ACTG2: variants seen among roughly 807,000 people sequenced by gnomAD.
ACTG2 encodes actin gamma 2, smooth muscle.
Under a neutral mutation model 37.6 loss-of-function variants are expected in ACTG2, and 16 were observed. The observed-to-expected ratio is 0.43, with a 90% CI of 0.29 to 0.65. The LOEUF (loss-of-function observed/expected upper bound fraction) is 0.65. Among genes scored for constraint, ACTG2 ranks in the 30% least tolerant of loss-of-function variants. The probability of loss-of-function intolerance (pLI) is 0.18; values close to 1 mark genes in which losing one functional copy is unlikely to be tolerated. For synonymous variants in ACTG2, 181 were observed against 179.9 expected, an observed-to-expected ratio of 1.01 and a Z score of -0.05; for missense variants, 238 against 490.9, an observed-to-expected ratio of 0.48 and a Z score of 4.87.
In ACTG2 at chr2:73,902,582, C is replaced by G. The variant is rs1182253596; in HGVS notation, c.255+94C>G. 6.4e-6 allele frequency: 10 copies of G among 1,572,100 alleles called. No homozygotes were observed. In the African/African-American group the frequency reaches 1.4e-4, roughly 21 times the overall value. On this transcript the variant is annotated intron_variant, in intron 3 of 8. Transcript: ENST00000345517. Reference sequence around the variant, plus strand: ...AGGCCACTGTGCTCTGTCAACTCTCCCTCTAAAATGCTTCTCACTTCTGTC... The same window carrying G: ...AGGCCACTGTGCTCTGTCAACTCTCGCTCTAAAATGCTTCTCACTTCTGTC...
At chr2:73,904,394 G>A (rs1391146354) in intron 3 of ACTG2, among the ~76,000 whole-genome samples, 5 of 151,868 alleles carry the variant, frequency 3.3e-5, no homozygotes, top group South Asian at 2.1e-4. Context: ...CCTTAAGGCC[G>A]GGCACAGTGG....
chr2:73,919,362 G>A, intron 8 of ACTG2, 70 bp from the exon 9 acceptor site: 2 of 1,540,788 alleles, frequency 1.3e-6, no homozygotes, highest in Non-Finnish European at 1.8e-6. Context: ...TCTGGGATAA[G>A]TAGATTTTTG....
chr2:73,902,643 A>G (rs1679917887), intron 3 of ACTG2, 155 bp downstream of exon 3: 1 of 1,551,848 alleles, frequency 6.4e-7, no homozygotes, highest in Non-Finnish European at 8.7e-7. Context: ...CATTTCTCCA[A>G]CCTAGGCTGC....
intron 3 of ACTG2, chr2:73,908,320 A>G (rs1356583059): frequency 2.1e-6 from 1 of 476,650 alleles, no homozygotes; most frequent in Non-Finnish European, 4.3e-6. Context: ...TCAGCCAAAT[A>G]TAGCCAGAAG....
intron 3 of ACTG2, chr2:73,908,430 C>G (rs1343148605): frequency 3.4e-6 from 2 of 593,924 alleles, no homozygotes; most frequent in Non-Finnish European, 6.4e-6. Flanking sequence ...GAGGGAAGGT[C>G]AAATGGAAAT....
At chr2:73,903,254 A>C (rs1015952793) in intron 3 of ACTG2, 4 of 154,324 alleles carry the variant, frequency 2.6e-5, no homozygotes, top group African/African-American at 9.6e-5. Context: ...CTGTCTTTGG[A>C]AATGTGATAG....
rs773260971 is a variant in ACTG2 at position 73,919,410 on chromosome 2, TCAC to T, written c.988-18_988-16del. The T allele has an allele frequency of 1.3e-5, 21 of 1,611,074 alleles. No individual in the cohort carries two copies. In the South Asian group the frequency reaches 1.9e-4, roughly 14 times the overall value. ...TATTCCCTTGGGGACTGATCATGAT[TCAC>T]CACATTTGTTCTTTGCAGATTATTG... On this transcript the variant is annotated intron_variant, in intron 8 of 8. Transcript: ENST00000345517.
intron 5 of ACTG2, 77 bp from the exon 6 acceptor site, chr2:73,913,408 A>G (rs1680185520): frequency 1.5e-6 from 2 of 1,342,568 alleles, no homozygotes; most frequent in Non-Finnish European, 2.0e-6. Flanking sequence ...GTCAGAGCTC[A>G]TTGGTAACAG....
rs923003043 is a variant in ACTG2 at position 73,902,915 on chromosome 2, G to T, written c.255+427G>T. On this transcript the variant is annotated intron_variant, in intron 3 of 8. Transcript: ENST00000345517. ...TTTCCTGCAATATTTACTCAGGCCA[G>T]TGCTCACCCCTTCTTTAAAATGCTG... 5.6e-5 allele frequency: 44 copies of T among 783,758 alleles called. No individual in the cohort carries two copies. In the South Asian group the frequency reaches 7.6e-4, roughly 14 times the overall value. The allele number at this position is 783,758 out of a possible 1,614,324, so 48.6% of individuals were successfully genotyped here.
rs1680075536 is a variant in ACTG2 at position 73,909,138 on chromosome 2, A to C, written c.450A>C (p.Thr150=). 1 of 1,611,584 alleles carries C rather than the reference A, an allele frequency of 6.2e-7. No individual in the cohort carries two copies. The highest frequency in any genetic ancestry group is 1.7e-5 in the Admixed American group (1 of 59,998). ...VLSLYASGRT[T]GIVLDSGDGV... ...CCCTCTATGCCTCTGGCCGCACGAC[A>C]GGTGAGTAATCCTGTAATCCATTCC... Residue 150 remains threonine (T), a splice_region_variant and synonymous_variant, in exon 5 of 9, where the codon ACA becomes ACC. Transcript: ENST00000345517.
At chr2:73,903,941 A>AAG (rs1679947373) in intron 3 of ACTG2, among the ~76,000 whole-genome samples, 1 of 63,488 alleles carries the variant, frequency 1.6e-5, no homozygotes, top group African/African-American at 1.4e-4. Context: ...CTCCGTCTCA[A>AAG]AAAAAAAAAA....
At chr2:73,895,076 C>T (rs761521721) in intron 1 of ACTG2, among the ~76,000 whole-genome samples, 6 of 151,936 alleles carry the variant, frequency 3.9e-5, no homozygotes, top group South Asian at 2.1e-4. Flanking sequence ...GGGAAGAGGG[C>T]GGCACCAGGG....
intron 8 of ACTG2, 42 bp from the exon 9 acceptor site, chr2:73,919,390 C>G (rs1680332470): frequency 1.3e-6 from 2 of 1,592,114 alleles, no homozygotes. Flanking sequence ...TTGCTTATTC[C>G]CTTGGGGACT....
intron 8 of ACTG2, 64 bp downstream of exon 8, chr2:73,916,829 C>T (rs1680280622): frequency 1.3e-6 from 2 of 1,557,168 alleles, no homozygotes; most frequent in Non-Finnish European, 1.7e-6. Flanking sequence ...CCTGGGAGTT[C>T]CTCGGAGGCA....
chr2:73,903,664 G>A (rs142845979), intron 3 of ACTG2, among the ~76,000 whole-genome samples: 139 of 152,202 alleles, frequency 9.1e-4, no homozygotes, highest in African/African-American at 3.2e-3. Context: ...ATAATAGGCC[G>A]GGCGTGGTGG....
chr2:73,910,057 A>G (rs1296483917), intron 5 of ACTG2, among the ~76,000 whole-genome samples: 3 of 152,012 alleles, frequency 2.0e-5, no homozygotes, highest in Non-Finnish European at 4.4e-5. Context: ...TCTACTAAAA[A>G]TACAAAAATT....
At chr2:73,897,126 C>G (rs1216047841) in intron 1 of ACTG2, 1 of 152,236 alleles carries the variant, frequency 6.6e-6, no homozygotes, top group Non-Finnish European at 1.5e-5. Context: ...ATAGCAGACT[C>G]CAAGCCACCT....
chr2:73,913,525 C>T lies in ACTG2; in HGVS notation c.492C>T (p.Val164=), dbSNP rs1462762673. The change falls in exon 6 of 9, where the codon GTC becomes GTT. Residue 164 remains valine, a synonymous_variant. Transcript: ENST00000345517. ...LDSGDGVTHN[V]PIYEGYALPH... Reference sequence around the variant, plus strand: ...CAGGTGATGGCGTCACCCACAATGTCCCCATCTATGAAGGCTATGCCCTGC... The same window carrying T: ...CAGGTGATGGCGTCACCCACAATGTTCCCATCTATGAAGGCTATGCCCTGC... The T allele has an allele frequency of 3.7e-6, 6 of 1,613,322 alleles. No individual in the cohort carries two copies. Among genetic ancestry groups the T allele is most frequent in the Non-Finnish European group, 5.1e-6 (6 of 1,179,618 alleles).
chr2:73,898,748 AG>A (rs1259382018), intron 1 of ACTG2, among the ~76,000 whole-genome samples: 1 of 151,130 alleles, frequency 6.6e-6, no homozygotes, highest in Non-Finnish European at 1.5e-5. Flanking sequence ...CAAGACACCA[AG>A]TCCTGCTCAC....
Sources: allele counts gnomAD v4.1 joint callset (sites outside exome capture counted in the v4.1 genomes callset), GRCh38; gene constraint gnomAD v4.1.1; transcripts MANE v1.5; gene names NCBI Gene and HGNC (gene_info 2026-07-23, HGNC 2026-07-21).